TULP3: variants seen among roughly 807,000 people sequenced by gnomAD.
TULP3 encodes TUB like protein 3.
In TULP3, 38 loss-of-function variants were observed where a neutral mutation model predicts 50.7. That is an observed-to-expected ratio of 0.75 (90% CI 0.58 to 0.98). TULP3 has a LOEUF of 0.98. Among genes scored for constraint, TULP3 ranks in the 50% least tolerant of loss-of-function variants. The pLI is 0.00. For missense variants in TULP3, 550 were observed against 568.0 expected (o/e 0.97, Z 0.32); for synonymous variants, 183 against 196.6 (o/e 0.93, Z 0.58).
chr12:2,906,032 A>AT lies in TULP3; in HGVS notation c.42-3481dup, dbSNP rs757029329. Among the ~76,000 whole-genome samples, 764 of 139,114 alleles carry AT rather than the reference A, an allele frequency of 5.5e-3. 11 individuals are homozygous for AT. Among genetic ancestry groups the AT allele is most frequent in the African/African-American group, 0.015 (571 of 37,564 alleles). 91.3% of individuals were successfully genotyped at this position (139,114 alleles called of 152,430 possible). A position where few individuals can be genotyped will look rare whatever the true frequency, so the allele number is the denominator to read the frequency against. ...GCCAGACCCTGTGTAAAAAAAAAAA[A>AT]TTTTTTTTTTTTTTTTGAGAGAGAG... On this transcript the variant is annotated intron_variant, in intron 1 of 10. Transcript: ENST00000448120.
chr12:2,908,302 A>G (rs2098183536), intron 1 of TULP3, among the ~76,000 whole-genome samples: 1 of 152,222 alleles, frequency 6.6e-6, no homozygotes, highest in East Asian at 1.9e-4. Context: ...AACATTTATC[A>G]TCCAAATAAT....
chr12:2,894,950 C>T (rs950052095), intron 1 of TULP3, among the ~76,000 whole-genome samples: 5 of 151,888 alleles, frequency 3.3e-5, no homozygotes, highest in African/African-American at 1.2e-4. Flanking sequence ...ATAACATTCC[C>T]GAAGAGAGAA....
intron 1 of TULP3, among the ~76,000 whole-genome samples, chr12:2,898,416 C>T (rs2098176834): frequency 6.6e-6 from 1 of 152,128 alleles, no homozygotes; most frequent in Non-Finnish European, 1.5e-5. Flanking sequence ...CTTCCCGCCT[C>T]AGCCTCCCTA....
At position 2,939,544 on chromosome 12, in the gene TULP3, T is replaced by G; in HGVS notation, c.*100T>G. 3.9e-6 allele frequency: 6 copies of G among 1,525,028 alleles called. No homozygotes were observed. The highest frequency in any genetic ancestry group is 5.2e-6 in the Non-Finnish European group (6 of 1,143,812). The allele number at this position is 1,525,028 out of a possible 1,614,324, so 94.5% of individuals were successfully genotyped here. A position where few individuals can be genotyped will look rare whatever the true frequency, so the allele number is the denominator to read the frequency against. On this transcript the variant is annotated 3_prime_UTR_variant, in exon 11 of 11. Coordinates refer to ENST00000448120, the MANE Select transcript of TULP3 (RefSeq NM_003324.5). This position sits in a 1 kb window ranked among gnomAD's most constrained non-coding sequence, Gnocchi z 4.0. ...TGCCCCAGGACTTAAAGAGCAATAG[T>G]TTGCCCCTTTTGGAATGATCTCTGA... is the stretch of plus-strand genomic sequence containing the variant.
chr12:2,935,629 A>T (rs2098200743), intron 8 of TULP3, among the ~76,000 whole-genome samples: 1 of 152,160 alleles, frequency 6.6e-6, no homozygotes, highest in Non-Finnish European at 1.5e-5. Flanking sequence ...GAACCATTTG[A>T]CTTCACACTT....
chr12:2,908,535 C>T (rs570886600), intron 1 of TULP3, among the ~76,000 whole-genome samples: 2 of 152,268 alleles, frequency 1.3e-5, no homozygotes, highest in East Asian at 3.9e-4. Context: ...AAGCGATTCT[C>T]CTGCCTCAGT....
intron 2 of TULP3, among the ~76,000 whole-genome samples, chr12:2,911,214 T>C (rs542046420): frequency 6.6e-6 from 1 of 152,194 alleles, no homozygotes; most frequent in Non-Finnish European, 1.5e-5. Context: ...TTTTAAATTA[T>C]GTTTTTACAT....
intron 2 of TULP3, among the ~76,000 whole-genome samples, chr12:2,913,280 C>T (rs1460642037): frequency 6.6e-6 from 1 of 150,874 alleles, no homozygotes; most frequent in Non-Finnish European, 1.5e-5. Context: ...TAGGTTCTCA[C>T]TCTGTCACCC....
At chr12:2,911,526 T>A (rs1319374055) in intron 2 of TULP3, among the ~76,000 whole-genome samples, 14 of 151,242 alleles carry the variant, frequency 9.3e-5, no homozygotes, top group African/African-American at 3.2e-4. Context: ...CTAATTTATT[T>A]TTTATTTTTT....
intron 1 of TULP3, among the ~76,000 whole-genome samples, chr12:2,894,302 G>C (rs374570103): frequency 0.046 from 1,771 of 38,152 alleles, 50 homozygotes; most frequent in African/African-American, 0.081. Context: ...GGGCGGGGCG[G>C]GGGGGGGGAA....
chr12:2,907,488 AAATAC>A (rs1371259264), intron 1 of TULP3, among the ~76,000 whole-genome samples: 1 of 149,824 alleles, frequency 6.7e-6, no homozygotes, highest in African/African-American at 2.5e-5. Context: ...AAAAAAAAAA[AAATAC>A]AAAAATTAGC....
intron 4 of TULP3, 79 bp from the exon 5 acceptor site, chr12:2,930,169 G>A: frequency 9.7e-7 from 1 of 1,026,256 alleles, no homozygotes; most frequent in Non-Finnish European, 1.4e-6. Flanking sequence ...TTTTAAGCAA[G>A]AAAATTAAAA....
At position 2,931,514 on chromosome 12, in the gene TULP3, C is replaced by T. The variant is rs554883378; in HGVS notation, c.696+274C>T. Among the ~76,000 whole-genome samples the T allele has an allele frequency of 6.6e-5, 10 of 152,264 alleles. No homozygotes were observed. In the East Asian group the frequency reaches 1.7e-3, roughly 26 times the overall value. ...TAATGTAATTATTTTCACCTGTCTCCCATGATTGAGTTTTTGAATGTTACT... is the reference window on the plus strand; with the variant it reads ...TAATGTAATTATTTTCACCTGTCTCTCATGATTGAGTTTTTGAATGTTACT... On this transcript the variant is annotated intron_variant, in intron 6 of 10. Coordinates refer to ENST00000448120, the MANE Select transcript of TULP3 (RefSeq NM_003324.5).
chr12:2,898,227 T>A (rs2098176725), intron 1 of TULP3, among the ~76,000 whole-genome samples: 1 of 152,194 alleles, frequency 6.6e-6, no homozygotes, highest in Non-Finnish European at 1.5e-5. Flanking sequence ...TTTACTAGGT[T>A]AAGTTGTACT....
At chr12:2,929,962 T>C (rs2098196983) in intron 4 of TULP3, among the ~76,000 whole-genome samples, 2 of 152,192 alleles carry the variant, frequency 1.3e-5, no homozygotes, top group Non-Finnish European at 2.9e-5. Flanking sequence ...ATTAACAATG[T>C]TGTGCAACCA....
chr12:2,898,274 A>C (rs2098176756), intron 1 of TULP3, among the ~76,000 whole-genome samples: 1 of 151,994 alleles, frequency 6.6e-6, no homozygotes, highest in African/African-American at 2.4e-5. Context: ...CACGTCTCTA[A>C]ATGGGGACTT....
chr12:2,939,870 G>T lies in TULP3; in HGVS notation c.*426G>T. 1.6e-6 allele frequency: 2 copies of T among 1,214,638 alleles called. No homozygotes were observed. The highest frequency in any genetic ancestry group is 2.1e-6 in the Non-Finnish European group (2 of 951,444). 75.2% of individuals were successfully genotyped at this position (1,214,638 alleles called of 1,614,324 possible). On this transcript the variant is annotated 3_prime_UTR_variant, in exon 11 of 11. Transcript: ENST00000448120. The surrounding 1 kb of genome is among the most constrained non-coding windows in gnomAD (Gnocchi z 4.0). ...TTCATAGACTTGGTGAGGGATCACA[G>T]CTTAGCATGGGTGAGAGATGATTTA...
At chr12:2,906,488 C>G (rs981615549) in intron 1 of TULP3, among the ~76,000 whole-genome samples, 1 of 151,340 alleles carries the variant, frequency 6.6e-6, no homozygotes, top group Non-Finnish European at 1.5e-5. Context: ...GCCGCCATGC[C>G]CAGCTAATTT....
intron 7 of TULP3, 127 bp downstream of exon 7, chr12:2,933,657 G>GA (rs546751911): frequency 0.051 from 19,930 of 388,374 alleles, no homozygotes; most frequent in South Asian, 0.064. Flanking sequence ...AAAGAAAAAG[G>GA]AAAAAAAAAA....
Sources: gnomAD v4.1 joint callset for allele counts (sites outside exome capture counted in the v4.1 genomes callset) on GRCh38, gnomAD v4.1.1 for gene constraint, Gnocchi (gnomAD v3.1) non-coding constraint, MANE v1.5 for transcripts, NCBI Gene and HGNC (gene_info 2026-07-23, HGNC 2026-07-21) for gene names.